Variants in OR2M3 observed in about 807,000 individuals in gnomAD.
The protein encoded by OR2M3 is olfactory receptor family 2 subfamily M member 3.
OR2M3 carries 1 observed loss-of-function variant against 4.3 expected under a neutral mutation model. The observed-to-expected ratio is 0.23, with a 90% CI of 0.08 to 1.11. The LOEUF (loss-of-function observed/expected upper bound fraction) is 1.11. Ranked by LOEUF, OR2M3 falls within the 50% of genes most tolerant of loss-of-function variation. The pLI is 0.54. For synonymous variants in OR2M3, 151 were observed against 139.4 expected (o/e 1.08, Z -0.59); for missense variants, 410 against 390.4 (o/e 1.05, Z -0.42).
chr1:248,207,748 G>A lies in OR2M3; in HGVS notation c.*3742G>A, dbSNP rs1666238730. The A allele has an allele frequency of 6.6e-6, 1 of 152,084 alleles. No individual in the cohort carries two copies. Among genetic ancestry groups the A allele is most frequent in the African/African-American group, 2.4e-5 (1 of 41,440 alleles). The allele number at this position is 152,084 out of a possible 1,614,324, so 9.4% of individuals were successfully genotyped here. ...TATCATATGGTCTATCTTGGAGAAT[G>A]TTCTGTGTACTGATGAATAGAATAT... On this transcript the variant is annotated 3_prime_UTR_variant, in exon 2 of 2. Coordinates refer to ENST00000641626, the MANE Select transcript of OR2M3 (RefSeq NM_001004689.2).
At chr1:248,202,703 T>C (rs967651653) in intron 1 of OR2M3, among the ~76,000 whole-genome samples, 3 of 152,052 alleles carry the variant, frequency 2.0e-5, no homozygotes, top group Non-Finnish European at 4.4e-5. Context: ...TGAATTTCTC[T>C]ATCAATGTGT....
chr1:248,209,400 A>G lies in OR2M3; in HGVS notation c.*5394A>G, dbSNP rs1333709153. 6.6e-6 allele frequency: 1 copy of G among 152,014 alleles called. No individual in the cohort carries two copies. The highest frequency in any genetic ancestry group is 1.5e-5 in the Non-Finnish European group (1 of 68,024). 9.4% of individuals were successfully genotyped at this position (152,014 alleles called of 1,614,324 possible). On this transcript the variant is annotated 3_prime_UTR_variant, in exon 2 of 2. Transcript: ENST00000641626. ...GTATTACAGAACCTTGTTTTATCAT[A>G]TTACAGAATTTTTTTTTCTGGTTCC...
Position 248,208,703 on chromosome 1 carries a change from T to C in OR2M3, c.*4697T>C, listed in dbSNP as rs1287439657. On this transcript the variant is annotated 3_prime_UTR_variant, in exon 2 of 2. Transcript: ENST00000641626. ...CTAATAAATCTGCTAATAAATCTGC[T>C]ATCAATGTGATAGGTTTTTCTTTAC... The C allele has an allele frequency of 1.3e-5, 2 of 151,928 alleles. No homozygotes were observed. The highest frequency in any genetic ancestry group is 4.9e-5 in the African/African-American group (2 of 41,198). The allele number at this position is 151,928 out of a possible 1,614,324, so 9.4% of individuals were successfully genotyped here.
rs1017076010 is a variant in OR2M3 at position 248,203,230 on chromosome 1, C to A, written c.163C>A (p.Leu55Ile). The A allele has an allele frequency of 6.2e-7, 1 of 1,613,766 alleles. No individual in the cohort carries two copies. The highest frequency in any genetic ancestry group is 1.7e-5 in the Admixed American group (1 of 59,968). The change falls in exon 2 of 2, where the codon CTC becomes ATC. Residue 55 changes from leucine (L) to isoleucine (I), a missense_variant. Transcript: ENST00000641626. ...TCTCCTCATCTACCTGGACACCCAG[C>A]TCCACACCCCCATGTACCTCCTCCT... is the stretch of plus-strand genomic sequence containing the variant. Reference protein sequence around the residue: ...MVLLIYLDTQLHTPMYLLLSQ... With the variant: ...MVLLIYLDTQIHTPMYLLLSQ...
chr1:248,198,984 A>G (rs1666127574), intron 1 of OR2M3, among the ~76,000 whole-genome samples: 1 of 152,134 alleles, frequency 6.6e-6, no homozygotes, highest in African/African-American at 2.4e-5. Flanking sequence ...CTTCTGTGTT[A>G]CTATTGCTCT....
At chr1:248,198,248 C>T (rs1666118851) in intron 1 of OR2M3, among the ~76,000 whole-genome samples, 1 of 152,014 alleles carries the variant, frequency 6.6e-6, no homozygotes, top group Non-Finnish European at 1.5e-5. Flanking sequence ...GTCATTATTC[C>T]AGTATTGCTG....
rs1666293592 is a variant in OR2M3, at chr1:248,212,640, T to C, written c.*8634T>C. 1 of 152,046 alleles carries C rather than the reference T, an allele frequency of 6.6e-6. No homozygotes were observed. Among genetic ancestry groups the C allele is most frequent in the Non-Finnish European group, 1.5e-5 (1 of 67,972 alleles). The allele number at this position is 152,046 out of a possible 1,614,324, so 9.4% of individuals were successfully genotyped here. On this transcript the variant is annotated 3_prime_UTR_variant, in exon 2 of 2. Transcript: ENST00000641626. Reference sequence around the variant, plus strand: ...TTCCAAAAGTTATTGTTTTATAATTTTAAACATAATTTTTTTCTAAGTTAA... The same window carrying C: ...TTCCAAAAGTTATTGTTTTATAATTCTAAACATAATTTTTTTCTAAGTTAA...
intron 1 of OR2M3, among the ~76,000 whole-genome samples, chr1:248,202,671 A>C (rs1666171079): frequency 6.6e-6 from 1 of 151,928 alleles, no homozygotes; most frequent in Non-Finnish European, 1.5e-5. Flanking sequence ...TAGTACTGTG[A>C]TGGTCACATG....
In OR2M3 at chr1:248,203,602, T is replaced by C; in HGVS notation, c.535T>C (p.Cys179Arg). The change falls in exon 2 of 2, where the codon TGT (cysteine) becomes CGT (arginine). Residue 179 changes from cysteine (C) to arginine (R), a missense_variant. Cys to Arg is a radical substitution (Grantham distance 180). Coordinates refer to ENST00000641626, the MANE Select transcript of OR2M3 (RefSeq NM_001004689.2). ...CGSREIAHFF[C>R]DFPSLLILSC... Reference sequence around the variant, plus strand: ...GTCTCGGGAAATAGCCCACTTCTTCTGTGACTTCCCCTCCCTACTAATCCT... The same window carrying C: ...GTCTCGGGAAATAGCCCACTTCTTCCGTGACTTCCCCTCCCTACTAATCCT... The C allele has an allele frequency of 6.2e-7, 1 of 1,613,830 alleles. No individual in the cohort carries two copies. The highest frequency in any genetic ancestry group is 8.5e-7 in the Non-Finnish European group (1 of 1,179,802).
chr1:248,209,601 C>T lies in OR2M3; in HGVS notation c.*5595C>T, dbSNP rs183937059. ...AGCCACACAGTGGAGCTACCAGGTT[C>T]CATACTGGTACTTGGGAGTGTCTGC... On this transcript the variant is annotated 3_prime_UTR_variant, in exon 2 of 2. Transcript: ENST00000641626. 4.1e-4 allele frequency: 62 copies of T among 152,234 alleles called. No homozygotes were observed. Among genetic ancestry groups the T allele is most frequent in the African/African-American group, 1.3e-3 (55 of 41,508 alleles). 9.4% of individuals were successfully genotyped at this position (152,234 alleles called of 1,614,324 possible).
rs530605312 is a variant in OR2M3, at chr1:248,212,026, G to A, written c.*8020G>A. 2.0e-4 allele frequency: 31 copies of A among 152,258 alleles called. No homozygotes were observed. The highest frequency in any genetic ancestry group is 6.5e-4 in the African/African-American group (27 of 41,548). 9.4% of individuals were successfully genotyped at this position (152,258 alleles called of 1,614,324 possible). On this transcript the variant is annotated 3_prime_UTR_variant, in exon 2 of 2. Coordinates refer to ENST00000641626, the MANE Select transcript of OR2M3 (RefSeq NM_001004689.2). ...TGTAAAATCCTATAATATATTTCCA[G>A]TCTTTGAAGTCCTTTTAAAGAAAAT...
At position 248,207,317 on chromosome 1, in the gene OR2M3, T is replaced by G. The variant is rs1350741642; in HGVS notation, c.*3311T>G. 1 of 152,120 alleles carries G rather than the reference T, an allele frequency of 6.6e-6. No homozygotes were observed. Among genetic ancestry groups the G allele is most frequent in the Non-Finnish European group, 1.5e-5 (1 of 67,986 alleles). 9.4% of individuals were successfully genotyped at this position (152,120 alleles called of 1,614,324 possible). The stretch of plus-strand genomic sequence containing the variant: ...GTTTCAATTTCATTTAGTTCTGCTC[T>G]GATCTTCATTATTTCTTTTCTTCTT... On this transcript the variant is annotated 3_prime_UTR_variant, in exon 2 of 2. Coordinates refer to ENST00000641626, the MANE Select transcript of OR2M3 (RefSeq NM_001004689.2).
Position 248,206,053 on chromosome 1 carries a change from T to C in OR2M3, c.*2047T>C, listed in dbSNP as rs1342143996. The C allele has an allele frequency of 1.3e-5, 2 of 151,876 alleles. No homozygotes were observed. The highest frequency in any genetic ancestry group is 2.9e-5 in the Non-Finnish European group (2 of 67,844). 9.4% of individuals were successfully genotyped at this position (151,876 alleles called of 1,614,324 possible). ...AATATTTTGTGTTGTTGTTGTTATA[T>C]TATTTGCTTCTGTCATGAAAGGGTT... On this transcript the variant is annotated 3_prime_UTR_variant, in exon 2 of 2. Transcript: ENST00000641626.
In OR2M3 at chr1:248,203,333, G is replaced by A. The variant is rs777738312; in HGVS notation, c.266G>A (p.Ser89Asn). 1 of 1,614,080 alleles carries A rather than the reference G, an allele frequency of 6.2e-7. No homozygotes were observed. Among genetic ancestry groups the A allele is most frequent in the Admixed American group, 1.7e-5 (1 of 60,002 alleles). The change falls in exon 2 of 2, where the codon AGC becomes AAC. Residue 89 changes from serine (S) to asparagine (N), a missense_variant. Physicochemically the swap from Ser to Asn is conservative, Grantham distance 46 (BLOSUM62 1). Coordinates refer to ENST00000641626, the MANE Select transcript of OR2M3 (RefSeq NM_001004689.2). ...ATGGCCTTCAACTACCTGTCTGGCAGCAAGTCCATTTCTATGGCTGGTTGT... is the reference window on the plus strand; with the variant it reads ...ATGGCCTTCAACTACCTGTCTGGCAACAAGTCCATTTCTATGGCTGGTTGT... ...PKMAFNYLSG[S>N]KSISMAGCAT...
intron 1 of OR2M3, among the ~76,000 whole-genome samples, chr1:248,200,244 G>A (rs1356587675): frequency 6.6e-6 from 1 of 152,098 alleles, no homozygotes; most frequent in African/African-American, 2.4e-5. Context: ...CAACTTCAAG[G>A]TAACTGGGAA....
chr1:248,202,399 A>G (rs751924086), intron 1 of OR2M3, among the ~76,000 whole-genome samples: 28 of 152,160 alleles, frequency 1.8e-4, no homozygotes, highest in Non-Finnish European at 3.7e-4. Flanking sequence ...CTCTTTATGT[A>G]TTTCCAAACA....
intron 1 of OR2M3, among the ~76,000 whole-genome samples, chr1:248,198,523 G>A (rs1450200106): frequency 3.9e-5 from 6 of 152,054 alleles, no homozygotes; most frequent in Non-Finnish European, 7.4e-5. Flanking sequence ...ATTACAAAAG[G>A]GTAAAGTCAG....
chr1:248,197,663 C>T (rs1666111769), intron 1 of OR2M3, among the ~76,000 whole-genome samples: 2 of 151,930 alleles, frequency 1.3e-5, no homozygotes, highest in South Asian at 4.2e-4. Context: ...AAATTTTGGC[C>T]ACGTTCTCTT....
At position 248,203,525 on chromosome 1, in the gene OR2M3, C is replaced by T; in HGVS notation, c.458C>T (p.Ser153Phe). Residue 153 changes from serine (S) to phenylalanine (F), a missense_variant, in exon 2 of 2, where the codon TCT becomes TTT. Physicochemically the swap from Ser to Phe is radical, Grantham distance 155. Coordinates refer to ENST00000641626, the MANE Select transcript of OR2M3 (RefSeq NM_001004689.2). ...ACTGCCTTTTCCTGGATCCTGGGCTCTACGGATGGAATTATTGATGTTGTA... is the reference window on the plus strand; with the variant it reads ...ACTGCCTTTTCCTGGATCCTGGGCTTTACGGATGGAATTATTGATGTTGTA... ...LMTAFSWILGSTDGIIDVVAT... is the reference protein window; with the variant it reads ...LMTAFSWILGFTDGIIDVVAT... 2 of 1,613,772 alleles carry T rather than the reference C, an allele frequency of 1.2e-6. No homozygotes were observed. Among genetic ancestry groups the T allele is most frequent in the African/African-American group, 2.7e-5 (2 of 74,966 alleles).
Sources: gnomAD v4.1 joint callset for allele counts (sites outside exome capture counted in the v4.1 genomes callset) on GRCh38, gnomAD v4.1.1 for gene constraint, MANE v1.5 for transcripts, NCBI Gene and HGNC (gene_info 2026-07-23, HGNC 2026-07-21) for gene names.